The following CLEC19A variants were observed in gnomAD, a reference collection of about 807,000 sequenced individuals.
CLEC19A encodes the protein C-type lectin domain family 19 member A.
Under a neutral mutation model 26.1 loss-of-function variants are expected in CLEC19A, and 21 were observed. The ratio of observed to expected loss-of-function variants is 0.80; its 90% CI spans 0.57 to 1.16. CLEC19A has a LOEUF of 1.16. Ranked by LOEUF, CLEC19A falls within the 50% of genes most tolerant of loss-of-function variation. The probability of loss-of-function intolerance (pLI) is 0.00; values close to 1 mark genes in which losing one functional copy is unlikely to be tolerated. For synonymous variants in CLEC19A, 89 were observed against 88.6 expected (o/e 1.00, Z -0.03); for missense variants, 224 against 227.6 (o/e 0.98, Z 0.10).
At chr16:19,294,405 C>T (rs373771243) in intron 1 of CLEC19A, among the ~76,000 whole-genome samples, 3 of 152,156 alleles carry the variant, frequency 2.0e-5, no homozygotes, top group Non-Finnish European at 2.9e-5. Flanking sequence ...CATCAGCCTT[C>T]GTAATGCTTG....
At chr16:19,307,490 T>C (rs1897980993) in intron 3 of CLEC19A, 55 bp from the exon 4 acceptor site, 2 of 1,541,848 alleles carry the variant, frequency 1.3e-6, no homozygotes, top group Non-Finnish European at 1.7e-6. Flanking sequence ...CTGGCTCAAA[T>C]GCCTGATCTT....
intron 1 of CLEC19A, among the ~76,000 whole-genome samples, chr16:19,295,737 G>T (rs145089849): frequency 6.6e-6 from 1 of 152,262 alleles, no homozygotes; most frequent in Admixed American, 6.5e-5. Context: ...AGGTAGAAAT[G>T]ATTTGCTGGT....
chr16:19,298,583 A>G, intron 1 of CLEC19A, 90 bp from the exon 2 acceptor site: 2 of 1,346,502 alleles, frequency 1.5e-6, no homozygotes, highest in African/African-American at 1.5e-5. Context: ...AAATTAAAAG[A>G]TTGTAAAGAA....
intron 3 of CLEC19A, among the ~76,000 whole-genome samples, chr16:19,305,963 C>A (rs1897943877): frequency 6.6e-6 from 1 of 151,974 alleles, no homozygotes; most frequent in Non-Finnish European, 1.5e-5. Context: ...CCCGCCTCAG[C>A]CTCCCAAGTA....
chr16:19,303,591 C>A (rs2143010788), intron 2 of CLEC19A, among the ~76,000 whole-genome samples: 1 of 152,056 alleles, frequency 6.6e-6, no homozygotes, highest in African/African-American at 2.4e-5. Context: ...GCTGAGTTTC[C>A]CAGGAAAACA....
chr16:19,291,778 C>T (rs1011818181), intron 1 of CLEC19A, among the ~76,000 whole-genome samples: 10 of 152,178 alleles, frequency 6.6e-5, no homozygotes, highest in Non-Finnish European at 1.5e-4. Flanking sequence ...CGTTTTGGTG[C>T]AAGCCAGCGC....
At chr16:19,306,695 A>AT (rs1366370772) in intron 3 of CLEC19A, among the ~76,000 whole-genome samples, 3 of 151,986 alleles carry the variant, frequency 2.0e-5, no homozygotes, top group African/African-American at 7.3e-5. Flanking sequence ...ACATGCTTTA[A>AT]TTTTTTCAAC....
chr16:19,298,106 C>T (rs180935649), intron 1 of CLEC19A, among the ~76,000 whole-genome samples: 11 of 151,886 alleles, frequency 7.2e-5, no homozygotes, highest in Admixed American at 2.6e-4. Flanking sequence ...CAAAATTAAC[C>T]GGGCACGTGC....
At chr16:19,295,555 G>A (rs994006670) in intron 1 of CLEC19A, among the ~76,000 whole-genome samples, 3 of 151,982 alleles carry the variant, frequency 2.0e-5, no homozygotes, top group African/African-American at 7.3e-5. Flanking sequence ...GGATGGCTTG[G>A]TCACCCTACT....
intron 4 of CLEC19A, 138 bp downstream of exon 4, chr16:19,307,815 G>A: frequency 8.7e-7 from 1 of 1,151,350 alleles, no homozygotes; most frequent in South Asian, 1.5e-5. Context: ...TTGGAGAGCG[G>A]TGGAGGTCAC....
intron 1 of CLEC19A, among the ~76,000 whole-genome samples, chr16:19,287,770 C>T (rs1897503762): frequency 6.6e-6 from 1 of 152,174 alleles, no homozygotes; most frequent in African/African-American, 2.4e-5. Flanking sequence ...AACAAGGGTC[C>T]TTATCAAGGG....
intron 4 of CLEC19A, 40 bp downstream of exon 4, chr16:19,307,717 AG>A (rs1376917858): frequency 6.5e-7 from 1 of 1,545,502 alleles, no homozygotes. Context: ...AGGGGAGCCC[AG>A]GAGGTGTCAC....
rs1897775015 is a variant in CLEC19A, at chr16:19,299,573, A to G, written c.254+735A>G. ...TGGTCCAGCTCTTTTACTTCTCCATACTCTTGGGCATTATATTCCCCCTGC... is the reference window on the plus strand; with the variant it reads ...TGGTCCAGCTCTTTTACTTCTCCATGCTCTTGGGCATTATATTCCCCCTGC... On this transcript the variant is annotated intron_variant, in intron 2 of 4. Transcript: ENST00000636231. Among the ~76,000 whole-genome samples, 3 of 151,550 alleles carry G rather than the reference A, an allele frequency of 2.0e-5. No homozygotes were observed. The South Asian group carries it at 6.3e-4, about 32-fold the overall frequency.
Position 19,309,047 on chromosome 16 carries a change from C to T in CLEC19A, c.525C>T (p.Pro175=), listed in dbSNP as rs1171947349. Residue 175 remains proline, a synonymous_variant, in exon 5 of 5, where the codon CCC becomes CCT. Transcript: ENST00000636231. Reference sequence around the variant, plus strand: ...ATAACACCTGCAGCCGGAAGTTCCCCTTTGTCTGCAAAATCCCATCTCTGA... The same window carrying T: ...ATAACACCTGCAGCCGGAAGTTCCCTTTTGTCTGCAAAATCCCATCTCTGA... The part of the protein sequence containing the change: ...WNDNTCSRKF[P]FVCKIPSLTI... The T allele has an allele frequency of 5.8e-6, 9 of 1,548,366 alleles. No individual in the cohort carries two copies. Among genetic ancestry groups the T allele is most frequent in the African/African-American group, 1.4e-5 (1 of 73,092 alleles).
chr16:19,298,525 C>A (rs1897751600), intron 1 of CLEC19A, 148 bp from the exon 2 acceptor site: 2 of 775,310 alleles, frequency 2.6e-6, no homozygotes, highest in Admixed American at 2.8e-5. Flanking sequence ...ATGATCAAAC[C>A]ACTGCACTTC....
At position 19,309,189 on chromosome 16, in the gene CLEC19A, T is replaced by A; in HGVS notation, c.*106T>A. ...ATGTAAAACATACATAGGAAGTAAA[T>A]CTCTTGGACAGAGATTTTAAACAAG... On this transcript the variant is annotated 3_prime_UTR_variant, in exon 5 of 5. Coordinates refer to ENST00000636231, the MANE Select transcript of CLEC19A (RefSeq NM_001256720.2). 1 of 827,500 alleles carries A rather than the reference T, an allele frequency of 1.2e-6. No homozygotes were observed. The highest frequency in any genetic ancestry group is 1.9e-6 in the Non-Finnish European group (1 of 523,308). 51.3% of individuals were successfully genotyped at this position (827,500 alleles called of 1,614,324 possible). A position where few individuals can be genotyped will look rare whatever the true frequency, so the allele number is the denominator to read the frequency against.
intron 1 of CLEC19A, among the ~76,000 whole-genome samples, chr16:19,289,358 A>G (rs975256029): frequency 3.3e-5 from 5 of 152,208 alleles, no homozygotes; most frequent in African/African-American, 1.2e-4. Context: ...CTCAAGCCAA[A>G]TAGGCACCCA....
At chr16:19,304,038 C>T in intron 2 of CLEC19A, 24 bp from the exon 3 acceptor site, 1 of 1,530,972 alleles carries the variant, frequency 6.5e-7, no homozygotes, top group Non-Finnish European at 8.8e-7. Flanking sequence ...GAGGAATCAG[C>T]TACTATTATT....
Position 19,298,022 on chromosome 16 carries a change from G to A in CLEC19A, c.89-651G>A, listed in dbSNP as rs138318518. Among the ~76,000 whole-genome samples the A allele has an allele frequency of 2.1e-3, 316 of 151,910 alleles. 4 individuals are homozygous for A. In the East Asian group the frequency reaches 0.033, roughly 16 times the overall value. ...TCCTAGCATTTTGGGAGGCCGAGGC[G>A]GGCGGATCACCTGAGGTCGAGACTT... On this transcript the variant is annotated intron_variant, in intron 1 of 4. Coordinates refer to ENST00000636231, the MANE Select transcript of CLEC19A (RefSeq NM_001256720.2).
Sources: gnomAD v4.1 joint callset for allele counts (sites outside exome capture counted in the v4.1 genomes callset) on GRCh38, gnomAD v4.1.1 for gene constraint, MANE v1.5 for transcripts, NCBI Gene and HGNC (gene_info 2026-07-23, HGNC 2026-07-21) for gene names.